The following UST variants were observed in gnomAD, a reference collection of about 807,000 sequenced individuals.
The protein encoded by UST is uronyl 2-sulfotransferase, also known as chondroitin sulfate 2-O-sulfotransferase.
Under a neutral mutation model 45.6 loss-of-function variants are expected in UST, and 21 were observed. That is an observed-to-expected ratio of 0.46 (90% confidence interval 0.33 to 0.66). The LOEUF (loss-of-function observed/expected upper bound fraction) is 0.66, where lower values mean the gene tolerates loss of function less well. Ranked by LOEUF, UST falls within the 30% of genes least tolerant of loss-of-function variation. The pLI is 0.02. For missense variants in UST, 463 were observed against 512.4 expected, an observed-to-expected ratio of 0.90 and a Z score of 0.93; for synonymous variants, 215 against 200.6, an observed-to-expected ratio of 1.07 and a Z score of -0.61.
At chr6:149,036,221 G>A (rs1776238581) in intron 7 of UST, among the ~76,000 whole-genome samples, 1 of 152,170 alleles carries the variant, frequency 6.6e-6, no homozygotes, top group African/African-American at 2.4e-5. Flanking sequence ...TACCTAGACT[G>A]CCAGCCTCAG....
chr6:148,963,631 C>G (rs1250847380), intron 4 of UST, among the ~76,000 whole-genome samples: 1 of 152,162 alleles, frequency 6.6e-6, no homozygotes, highest in Non-Finnish European at 1.5e-5. Flanking sequence ...TTGTTTCATT[C>G]TTGATATCCC....
chr6:148,931,684 A>G (rs957027096), intron 2 of UST, among the ~76,000 whole-genome samples: 1 of 152,242 alleles, frequency 6.6e-6, no homozygotes, highest in Non-Finnish European at 1.5e-5. Flanking sequence ...GACTGCAACA[A>G]TATTACTCAT....
At chr6:149,036,310 T>C (rs570265477) in intron 7 of UST, among the ~76,000 whole-genome samples, 2 of 152,332 alleles carry the variant, frequency 1.3e-5, no homozygotes, top group East Asian at 3.9e-4. Context: ...TCCCGAGCCA[T>C]GTCCCTTTTC....
At chr6:148,928,355 G>C (rs1779857862) in intron 2 of UST, among the ~76,000 whole-genome samples, 6 of 152,222 alleles carry the variant, frequency 3.9e-5, no homozygotes. Flanking sequence ...TCTAGCTATA[G>C]AGACAATTGT....
intron 7 of UST, among the ~76,000 whole-genome samples, chr6:149,056,656 CAGGG>C (rs1776570820): frequency 6.6e-6 from 1 of 152,198 alleles, no homozygotes; most frequent in South Asian, 2.1e-4. Flanking sequence ...TGATTTTTAA[CAGGG>C]AGAGAAGGAA....
intron 1 of UST, among the ~76,000 whole-genome samples, chr6:148,824,095 T>C (rs796227891): frequency 3.9e-5 from 6 of 152,336 alleles, no homozygotes; most frequent in African/African-American, 1.4e-4. Context: ...GTTCTGAGAA[T>C]TTTTCCACTG....
intron 5 of UST, among the ~76,000 whole-genome samples, chr6:148,994,851 A>G (rs1427435186): frequency 6.6e-6 from 1 of 152,078 alleles, no homozygotes; most frequent in Non-Finnish European, 1.5e-5. Context: ...TTCCAGGACC[A>G]CTTCATCCAA....
intron 1 of UST, among the ~76,000 whole-genome samples, chr6:148,868,485 C>T (rs545847927): frequency 6.6e-6 from 1 of 151,992 alleles, no homozygotes; most frequent in African/African-American, 2.4e-5. Flanking sequence ...TTGAAAAGAC[C>T]GTGAATATTT....
chr6:149,049,966 C>CACA (rs1562339795), intron 7 of UST, among the ~76,000 whole-genome samples: 1 of 142,966 alleles, frequency 7.0e-6, no homozygotes, highest in Non-Finnish European at 1.6e-5. Flanking sequence ...CACACACACA[C>CACA]GTGGCCCTTT....
intron 7 of UST, among the ~76,000 whole-genome samples, chr6:149,058,960 A>G (rs889014035): frequency 5.9e-5 from 9 of 152,134 alleles, no homozygotes; most frequent in Non-Finnish European, 1.2e-4. Flanking sequence ...ACAAATATGT[A>G]TTTACCGTAG....
intron 5 of UST, among the ~76,000 whole-genome samples, chr6:148,998,833 A>G (rs1376960981): frequency 1.3e-5 from 2 of 152,240 alleles, no homozygotes; most frequent in Admixed American, 1.3e-4. Flanking sequence ...TGCTGGTCTG[A>G]ATGCAGCAAG....
At chr6:148,845,396 A>G (rs974023806) in intron 1 of UST, among the ~76,000 whole-genome samples, 6 of 152,274 alleles carry the variant, frequency 3.9e-5, no homozygotes, top group South Asian at 2.1e-4. Flanking sequence ...TTTGAGGTTC[A>G]TCCGTGTTGT....
chr6:148,847,324 C>G (rs1170884063), intron 1 of UST, among the ~76,000 whole-genome samples: 1 of 152,222 alleles, frequency 6.6e-6, no homozygotes, highest in African/African-American at 2.4e-5. Context: ...GAAGGAGCTG[C>G]TAGCAAACTC....
Position 148,797,338 on chromosome 6 carries a change from C to G in UST, c.247+49661C>G, listed in dbSNP as rs527986522. Among the ~76,000 whole-genome samples, 22 of 152,270 alleles carry G rather than the reference C, an allele frequency of 1.4e-4. 1 individual carries two copies. In the East Asian group the frequency reaches 4.1e-3, roughly 28 times the overall value. On this transcript the variant is annotated intron_variant, in intron 1 of 7. Transcript: ENST00000367463. The stretch of plus-strand genomic sequence containing the variant: ...ACAAACAAACCCCACAAAACAACAG[C>G]AACAACAAAATAATAGAAAGCACTA...
chr6:148,811,175 C>T (rs1314852234), intron 1 of UST, among the ~76,000 whole-genome samples: 2 of 152,186 alleles, frequency 1.3e-5, no homozygotes, highest in East Asian at 3.8e-4. Context: ...TCTGGTCTTA[C>T]CTGGGGGACT....
intron 2 of UST, among the ~76,000 whole-genome samples, chr6:148,937,746 C>T (rs1384630707): frequency 6.6e-6 from 1 of 152,284 alleles, no homozygotes; most frequent in East Asian, 1.9e-4. Flanking sequence ...CACATTCTTC[C>T]TTGCTATTCC....
intron 2 of UST, among the ~76,000 whole-genome samples, chr6:148,902,622 T>C (rs1173843036): frequency 6.6e-6 from 1 of 152,078 alleles, no homozygotes; most frequent in Admixed American, 6.6e-5. Context: ...TCAGTCATCC[T>C]CCTGCCTCAG....
chr6:149,042,971 CTTT>C (rs1562337698), intron 7 of UST, among the ~76,000 whole-genome samples: 3 of 106,040 alleles, frequency 2.8e-5, no homozygotes. Context: ...TTCTTTCTTT[CTTT>C]CTTTCTTTCT....
intron 5 of UST, among the ~76,000 whole-genome samples, chr6:148,998,908 C>T (rs1183094082): frequency 2.0e-5 from 3 of 152,230 alleles, no homozygotes; most frequent in Non-Finnish European, 4.4e-5. Flanking sequence ...ACTTGCAGCA[C>T]TCACAGCAGT....
Sources: gnomAD v4.1 joint callset for allele counts (sites outside exome capture counted in the v4.1 genomes callset) on GRCh38, gnomAD v4.1.1 for gene constraint, MANE v1.5 for transcripts, NCBI Gene and HGNC (gene_info 2026-07-23, HGNC 2026-07-21) for gene names.